The following RFX3 variants were observed in gnomAD, a reference collection of about 807,000 sequenced individuals.
The protein encoded by RFX3 is regulatory factor X3.
In RFX3, 14 loss-of-function variants were observed where a neutral mutation model predicts 98.6. That is an observed-to-expected ratio of 0.14 (90% confidence interval 0.09 to 0.22). The LOEUF is 0.22. RFX3 is among the 10% of genes least tolerant of loss of function. RFX3 has a pLI of 1.00. For synonymous variants in RFX3, 383 were observed against 328.4 expected (o/e 1.17, Z -1.80); for missense variants, 639 against 926.9 (o/e 0.69, Z 4.03).
Position 3,336,248 on chromosome 9 carries a change from C to CA in RFX3, c.216-5732dup, listed in dbSNP as rs900439994. 6.6e-5 allele frequency among the ~76,000 whole-genome samples: 10 copies of CA among 152,090 alleles called. No individual in the cohort carries two copies. In the East Asian group the frequency reaches 1.4e-3, roughly 21 times the overall value. ...GGCTACTCTGCATACATTCTTTTAA[C>CA]AAATATTTAATAAGCATCTATTCTA... On this transcript the variant is annotated intron_variant, in intron 3 of 16. Transcript: ENST00000617270.
rs188863512 is a variant in RFX3 at position 3,441,577 on chromosome 9, T to G, written c.-8-45981A>C. Among the ~76,000 whole-genome samples the G allele has an allele frequency of 7.3e-3, 1,105 of 151,652 alleles. 8 individuals are homozygous for G. The highest frequency in any genetic ancestry group is 9.6e-3 in the Non-Finnish European group (651 of 67,894). On this transcript the variant is annotated intron_variant, in intron 1 of 16. Coordinates refer to ENST00000617270, the MANE Select transcript of RFX3 (RefSeq NM_001282116.2). Reference sequence around the variant, plus strand: ...AATAAAATGTGCTCAACAAAAAAGGTGGAGGGTAACAAGTTAAGGAGACAC... The same window carrying G: ...AATAAAATGTGCTCAACAAAAAAGGGGGAGGGTAACAAGTTAAGGAGACAC...
At chr9:3,291,301 G>T (rs1199516280) in intron 6 of RFX3, among the ~76,000 whole-genome samples, 1 of 152,146 alleles carries the variant, frequency 6.6e-6, no homozygotes, top group African/African-American at 2.4e-5. Context: ...GAACCCGGGG[G>T]GCAGAGGTTG....
At chr9:3,422,275 G>A (rs1011591953) in intron 1 of RFX3, among the ~76,000 whole-genome samples, 4 of 152,194 alleles carry the variant, frequency 2.6e-5, no homozygotes, top group African/African-American at 9.7e-5. Flanking sequence ...AGTCAACAAT[G>A]GCTATGTTCT....
At chr9:3,420,729 C>T (rs1299287035) in intron 1 of RFX3, 3 of 936,946 alleles carry the variant, frequency 3.2e-6, no homozygotes, top group Non-Finnish European at 3.8e-6. Context: ...CTATAAACCC[C>T]TGTATCCTTC....
chr9:3,374,372 C>T (rs1236099291), intron 2 of RFX3, among the ~76,000 whole-genome samples: 2 of 152,150 alleles, frequency 1.3e-5, no homozygotes, highest in South Asian at 2.1e-4. Flanking sequence ...GATATTTGTA[C>T]AGCCCATTCA....
At position 3,491,970 on chromosome 9, in the gene RFX3, C is replaced by T. The variant is rs552454838; in HGVS notation, c.-9+33777G>A. ...TATCTACCTACAATCCAAAGTGCTACATTGGCCTCACCCACAAGACCTTAT... is the reference window on the plus strand; with the variant it reads ...TATCTACCTACAATCCAAAGTGCTATATTGGCCTCACCCACAAGACCTTAT... On this transcript the variant is annotated intron_variant, in intron 1 of 16. Coordinates refer to ENST00000617270, the MANE Select transcript of RFX3 (RefSeq NM_001282116.2). Among the ~76,000 whole-genome samples, 151 of 152,332 alleles carry T rather than the reference C, an allele frequency of 9.9e-4. 1 individual carries two copies. In the South Asian group the frequency reaches 0.029, roughly 29 times the overall value.
At chr9:3,399,308 G>A (rs1440843702) in intron 1 of RFX3, among the ~76,000 whole-genome samples, 1 of 151,584 alleles carries the variant, frequency 6.6e-6, no homozygotes, top group Non-Finnish European at 1.5e-5. Flanking sequence ...GCTGGTCATG[G>A]TGGTGGGCAC....
Position 3,396,759 on chromosome 9 carries a change from T to A in RFX3, c.-8-1163A>T, listed in dbSNP as rs552986740. Among the ~76,000 whole-genome samples, 48 of 152,312 alleles carry A rather than the reference T, an allele frequency of 3.2e-4. No individual in the cohort carries two copies. In the South Asian group the frequency reaches 9.3e-3, roughly 30 times the overall value. On this transcript the variant is annotated intron_variant, in intron 1 of 16. Transcript: ENST00000617270. ...TAACTGGTGTGAGATGGTATCTCAT[T>A]GTGGTTTTGATTTGCATTTCTCTGA...
chr9:3,343,338 T>C (rs974385530), intron 3 of RFX3, among the ~76,000 whole-genome samples: 6 of 152,132 alleles, frequency 3.9e-5, no homozygotes, highest in Non-Finnish European at 7.4e-5. Context: ...GCAAAAAGCA[T>C]TTATTATCAC....
intron 1 of RFX3, among the ~76,000 whole-genome samples, chr9:3,499,777 A>C (rs568572642): frequency 6.6e-6 from 1 of 152,246 alleles, no homozygotes; most frequent in African/African-American, 2.4e-5. Context: ...CAAAAATAAT[A>C]ATCATCTTAA....
At chr9:3,434,628 T>C (rs895952833) in intron 1 of RFX3, among the ~76,000 whole-genome samples, 8 of 152,048 alleles carry the variant, frequency 5.3e-5, no homozygotes, top group Non-Finnish European at 2.9e-5. Context: ...ATCTTTCAAG[T>C]CTAAAGATAA....
intron 2 of RFX3, among the ~76,000 whole-genome samples, chr9:3,352,281 T>G (rs1045846573): frequency 1.4e-4 from 22 of 152,116 alleles, no homozygotes; most frequent in African/African-American, 5.3e-4. Context: ...TATCAGCATA[T>G]ATGTTCGTAT....
At chr9:3,525,536 G>A (rs1204026751) in intron 1 of RFX3, among the ~76,000 whole-genome samples, 2 of 151,742 alleles carry the variant, frequency 1.3e-5, no homozygotes, top group South Asian at 4.1e-4. Context: ...CCACACCCCC[G>A]ACCCAGCCGC....
At chr9:3,340,950 C>T (rs571768687) in intron 3 of RFX3, among the ~76,000 whole-genome samples, 67 of 152,310 alleles carry the variant, frequency 4.4e-4, no homozygotes, top group African/African-American at 1.5e-3. Context: ...AAGACACATG[C>T]ACACATATGT....
intron 4 of RFX3, among the ~76,000 whole-genome samples, chr9:3,328,605 C>A (rs1022160233): frequency 6.6e-6 from 1 of 152,176 alleles, no homozygotes; most frequent in South Asian, 2.1e-4. Flanking sequence ...AAGGAACTCT[C>A]CGCTCAGAAC....
intron 1 of RFX3, among the ~76,000 whole-genome samples, chr9:3,438,681 AG>A (rs1289543827): frequency 6.6e-6 from 1 of 152,064 alleles, no homozygotes; most frequent in African/African-American, 2.4e-5. Context: ...TAAAAGCAAA[AG>A]GACAGAAAAA....
intron 1 of RFX3, among the ~76,000 whole-genome samples, chr9:3,503,141 G>A (rs1816232811): frequency 3.9e-5 from 6 of 152,026 alleles, no homozygotes; most frequent in Admixed American, 3.9e-4. Context: ...AAATAACCAG[G>A]TACTCGTCTT....
chr9:3,505,785 C>T (rs1011499403), intron 1 of RFX3, among the ~76,000 whole-genome samples: 4 of 148,704 alleles, frequency 2.7e-5, no homozygotes, highest in African/African-American at 4.9e-5. Context: ...ACACTCTCTA[C>T]CCCCCTGCTT....
rs1200308076 is a variant in RFX3 at position 3,351,354 on chromosome 9, T to C, written c.118-4590A>G. ...ACAAACATATACTAGTTTAATTAAA[T>C]AATATAAAAATGAATAGGATAAAAT... On this transcript the variant is annotated intron_variant, in intron 2 of 16. Transcript: ENST00000617270. 3.9e-5 allele frequency among the ~76,000 whole-genome samples: 6 copies of C among 151,954 alleles called. 1 individual carries two copies. Among genetic ancestry groups the C allele is most frequent in the Admixed American group, 3.3e-4 (5 of 15,198 alleles).
Sources: allele counts gnomAD v4.1 joint callset (sites outside exome capture counted in the v4.1 genomes callset), GRCh38; gene constraint gnomAD v4.1.1; transcripts MANE v1.5; gene names NCBI Gene and HGNC (gene_info 2026-07-23, HGNC 2026-07-21).